The following CEP104 variants were observed in gnomAD, a reference collection of about 807,000 sequenced individuals.
CEP104 encodes centrosomal protein 104.
A neutral mutation model predicts 113.3 loss-of-function variants in CEP104; 84 were observed. That is an observed-to-expected ratio of 0.74 (90% CI 0.62 to 0.89). CEP104 has a LOEUF of 0.89. CEP104 is among the 40% of genes least tolerant of loss of function. The pLI, the probability that CEP104 is intolerant of heterozygous loss-of-function variation, is 0.00. For synonymous variants in CEP104, 378 were observed against 421.7 expected (o/e 0.90, Z 1.27); for missense variants, 1,053 against 1,156.6 (o/e 0.91, Z 1.30).
rs2275835 is a variant in CEP104, at chr1:3,825,996, G to A, written c.2256-130C>T. 79,316 of 712,604 alleles carry A rather than the reference G, an allele frequency of 0.11. 9,121 individuals carry two copies. Among genetic ancestry groups the A allele is most frequent in the East Asian group, 0.45 (16,646 of 37,018 alleles). 44.1% of individuals were successfully genotyped at this position (712,604 alleles called of 1,614,324 possible). The stretch of plus-strand genomic sequence containing the variant: ...ATGTGTGCACTTTCCCTCTCATCTG[G>A]AACTGCCTCAGTTTGCTCTGCAGGG... On this transcript the variant is annotated intron_variant, in intron 17 of 21. Transcript: ENST00000378230.
At chr1:3,821,473 A>T (rs948220653) in intron 20 of CEP104, among the ~76,000 whole-genome samples, 4 of 152,238 alleles carry the variant, frequency 2.6e-5, no homozygotes, top group African/African-American at 7.2e-5. Flanking sequence ...TCCAATAGAA[A>T]GTCTAACCTA....
intron 3 of CEP104, 103 bp from the exon 4 acceptor site, chr1:3,847,716 ATT>A: frequency 7.8e-7 from 1 of 1,278,328 alleles, no homozygotes; most frequent in African/African-American, 1.5e-5. Context: ...TTATTGTTTT[ATT>A]TTTTAAAGCT....
At chr1:3,817,252 G>T (rs1019868770) in intron 20 of CEP104, among the ~76,000 whole-genome samples, 2 of 152,162 alleles carry the variant, frequency 1.3e-5, no homozygotes, top group African/African-American at 4.8e-5. Context: ...TGAGGCAGGA[G>T]AATTGCTTGA....
At chr1:3,838,700 G>C (rs1036901811) in intron 8 of CEP104, among the ~76,000 whole-genome samples, 1 of 152,214 alleles carries the variant, frequency 6.6e-6, no homozygotes, top group South Asian at 2.1e-4. Flanking sequence ...GAGATGAAGG[G>C]ATGCAGCAGA....
chr1:3,827,060 G>A (rs1187719336), intron 15 of CEP104, among the ~76,000 whole-genome samples: 1 of 152,112 alleles, frequency 6.6e-6, no homozygotes, highest in East Asian at 1.9e-4. Context: ...GCTGGGGAGG[G>A]AGGATCACTT....
chr1:3,840,328 C>T (rs1041682624), intron 6 of CEP104, among the ~76,000 whole-genome samples: 7 of 152,136 alleles, frequency 4.6e-5, no homozygotes, highest in African/African-American at 1.4e-4. Flanking sequence ...CCTCCACCTC[C>T]CGGGTTCAGG....
At chr1:3,825,229 A>G (rs1644067284) in intron 18 of CEP104, among the ~76,000 whole-genome samples, 1 of 152,140 alleles carries the variant, frequency 6.6e-6, no homozygotes, top group African/African-American at 2.4e-5. Context: ...ACTCCTGGGC[A>G]GCCCCACTGA....
rs1284553555 is a variant in CEP104, at chr1:3,812,140, C to T, written c.*3262G>A. On this transcript the variant is annotated 3_prime_UTR_variant, in exon 22 of 22. Transcript: ENST00000378230. The stretch of plus-strand genomic sequence containing the variant: ...CTCTGGGTGAATTAACCCTTAAGCC[C>T]TAAAACGACAACAAAAATATATTAC... 6.6e-6 allele frequency: 1 copy of T among 151,994 alleles called. No homozygotes were observed. Among genetic ancestry groups the T allele is most frequent in the African/African-American group, 2.4e-5 (1 of 41,388 alleles). The allele number at this position is 151,994 out of a possible 1,614,324, so 9.4% of individuals were successfully genotyped here. A position where few individuals can be genotyped will look rare whatever the true frequency, so the allele number is the denominator to read the frequency against.
chr1:3,849,494 G>C (rs1206788180), intron 2 of CEP104, among the ~76,000 whole-genome samples: 2 of 152,142 alleles, frequency 1.3e-5, no homozygotes, highest in Non-Finnish European at 2.9e-5. Flanking sequence ...GCCTCCCAAA[G>C]GGCTGTGATT....
intron 2 of CEP104, among the ~76,000 whole-genome samples, chr1:3,850,990 G>A (rs1557694513): frequency 6.6e-6 from 1 of 152,186 alleles, no homozygotes; most frequent in African/African-American, 2.4e-5. Context: ...CTCCTGCCTG[G>A]GAGAGGCATG....
chr1:3,837,441 G>A lies in CEP104; in HGVS notation c.970C>T (p.Leu324=). ...GTTCCTCTTTCTTCCAGTTGTGGTA[G>A]TGAGGGCATTGGCTTTTGGTGGCAA... is the stretch of plus-strand genomic sequence containing the variant. ...SPCHQKPMPS[L]PQLEERGTEN... The change falls in exon 9 of 22, where the codon CTA becomes TTA. Residue 324 remains leucine (L), a synonymous_variant. Transcript: ENST00000378230. 5 of 1,614,248 alleles carry A rather than the reference G, an allele frequency of 3.1e-6. No homozygotes were observed. Among genetic ancestry groups the A allele is most frequent in the Non-Finnish European group, 3.4e-6 (4 of 1,180,042 alleles).
At chr1:3,843,438 A>G (rs1644450725) in intron 6 of CEP104, 1 of 480,324 alleles carries the variant, frequency 2.1e-6, no homozygotes, top group Admixed American at 3.8e-5. Context: ...ATACAGTGGC[A>G]TGATCTCGGC....
At chr1:3,855,967 T>C (rs1178795072) in intron 1 of CEP104, 3 of 985,090 alleles carry the variant, frequency 3.0e-6, no homozygotes, top group Non-Finnish European at 1.2e-6. Flanking sequence ...GATGACTCCA[T>C]GGCGGTCTCA....
rs1390178736 is a variant in CEP104 at position 3,836,664 on chromosome 1, G to C, written c.1148C>G (p.Pro383Arg). 6.2e-7 allele frequency: 1 copy of C among 1,613,700 alleles called. No homozygotes were observed. Among genetic ancestry groups the C allele is most frequent in the African/African-American group, 1.3e-5 (1 of 74,970 alleles). Residue 383 changes from proline (P) to arginine (R), a missense_variant, in exon 10 of 22, where the codon CCT (proline) becomes CGT (arginine). Transcript: ENST00000378230. ...ATAATGCTTACGAATAGCTGGAAGA[G>C]GCCGCTCATCGTAGGGCAGGGACTC... ...NAESLPYDER[P>R]LPAIRKHYGE...
At chr1:3,828,821 G>A (rs1175242766) in intron 15 of CEP104, among the ~76,000 whole-genome samples, 1 of 149,534 alleles carries the variant, frequency 6.7e-6, no homozygotes, top group African/African-American at 2.5e-5. Context: ...AATAGTATTT[G>A]TTCCCAGTAC....
rs374828384 is a variant in CEP104 at position 3,825,724 on chromosome 1, T to C, written c.2364+34A>G. 1.7e-5 allele frequency: 23 copies of C among 1,368,986 alleles called. No homozygotes were observed. The African/African-American group carries it at 3.0e-4, about 18-fold the overall frequency. The allele number at this position is 1,368,986 out of a possible 1,614,324, so 84.8% of individuals were successfully genotyped here. ...TTCAACAGCCAGGTGTTCCCGCTCA[T>C]GCAAGTAGCTGGCTGCTGTGCCGCT... On this transcript the variant is annotated intron_variant, in intron 18 of 21. Transcript: ENST00000378230.
chr1:3,850,702 G>A (rs1481881707), intron 2 of CEP104, among the ~76,000 whole-genome samples: 1 of 152,174 alleles, frequency 6.6e-6, no homozygotes, highest in Non-Finnish European at 1.5e-5. Flanking sequence ...CCTGACCTCA[G>A]GGAAGTCAAG....
chr1:3,850,421 G>A (rs952407718), intron 2 of CEP104, among the ~76,000 whole-genome samples: 2 of 152,280 alleles, frequency 1.3e-5, no homozygotes, highest in South Asian at 2.1e-4. Context: ...CAGGGGCTAC[G>A]GTTGGTGCAA....
rs908820427 is a variant in CEP104 at position 3,812,735 on chromosome 1, G to C, written c.*2667C>G. The C allele has an allele frequency of 6.6e-6, 1 of 152,180 alleles. No individual in the cohort carries two copies. The highest frequency in any genetic ancestry group is 2.4e-5 in the African/African-American group (1 of 41,428). The allele number at this position is 152,180 out of a possible 1,614,324, so 9.4% of individuals were successfully genotyped here. A position where few individuals can be genotyped will look rare whatever the true frequency, so the allele number is the denominator to read the frequency against. ...CACGCCTGTAATCCCAGCTACTCGGGAGGCTGAGGCAGGAGAATTGCTCGA... is the reference window on the plus strand; with the variant it reads ...CACGCCTGTAATCCCAGCTACTCGGCAGGCTGAGGCAGGAGAATTGCTCGA... On this transcript the variant is annotated 3_prime_UTR_variant, in exon 22 of 22. Coordinates refer to ENST00000378230, the MANE Select transcript of CEP104 (RefSeq NM_014704.4).
Sources: allele counts gnomAD v4.1 joint callset (sites outside exome capture counted in the v4.1 genomes callset), GRCh38; gene constraint gnomAD v4.1.1; transcripts MANE v1.5; gene names NCBI Gene and HGNC (gene_info 2026-07-23, HGNC 2026-07-21).